Variants in ACVRL1 observed in about 807,000 individuals in gnomAD.
ACVRL1 encodes activin A receptor like type 1.
ACVRL1 carries 20 observed loss-of-function variants against 51.9 expected under a neutral mutation model. The ratio of observed to expected loss-of-function variants is 0.39; its 90% CI spans 0.27 to 0.56. The LOEUF (loss-of-function observed/expected upper bound fraction) is 0.56, where lower values mean the gene tolerates loss of function less well. Among genes scored for constraint, ACVRL1 ranks in the 20% least tolerant of loss-of-function variants. The pLI is 0.67. For synonymous variants in ACVRL1, 288 were observed against 280.9 expected (o/e 1.03, Z -0.25); for missense variants, 451 against 670.3 (o/e 0.67, Z 3.61).
chr12:51,907,326 G>T (rs558085960), upstream of ACVRL1: 5 of 152,068 alleles, frequency 3.3e-5, no homozygotes, highest in Non-Finnish European at 4.4e-5. This position sits in a 1 kb window ranked among gnomAD's most constrained non-coding sequence, Gnocchi z 4.5. Flanking sequence ...AGGGGAGGCC[G>T]CCCTGAGGGG....
chr12:51,922,819 T>C lies in ACVRL1; in HGVS notation c.*1926T>C, dbSNP rs2293094. ...GAGTAGCCTCCCCAGGCCGGCATCT[T>C]ATGTGTGTCTTCCACCATCCTCATG... On this transcript the variant is annotated 3_prime_UTR_variant, in exon 10 of 10. Transcript: ENST00000388922. 0.14 allele frequency: 21,461 copies of C among 152,522 alleles called. 1,752 individuals carry two copies. The highest frequency in any genetic ancestry group is 0.39 in the East Asian group (1,996 of 5,152). 9.4% of individuals were successfully genotyped at this position (152,522 alleles called of 1,614,324 possible). A position where few individuals can be genotyped will look rare whatever the true frequency, so the allele number is the denominator to read the frequency against.
intron 8 of ACVRL1, among the ~76,000 whole-genome samples, chr12:51,918,592 G>A (rs963929736): frequency 1.3e-5 from 2 of 152,164 alleles, no homozygotes; most frequent in African/African-American, 4.8e-5. Context: ...CTGGAACAAG[G>A]CTGGCCTAGG....
Position 51,920,930 on chromosome 12 carries a change from CT to C in ACVRL1, c.*38del. 1 of 336,502 alleles carries C rather than the reference CT, an allele frequency of 3.0e-6. No individual in the cohort carries two copies. Among genetic ancestry groups the C allele is most frequent in the Non-Finnish European group, 5.8e-6 (1 of 173,534 alleles). The allele number at this position is 336,502 out of a possible 1,614,324, so 20.8% of individuals were successfully genotyped here. On this transcript the variant is annotated 3_prime_UTR_variant, in exon 10 of 10. Transcript: ENST00000388922. Reference sequence around the variant, plus strand: ...CTGATTCCTTTCTGCCTGCAGGGGGCTGGGGGGGTGGGGGGCAGTGGATGGT... The same window carrying C: ...CTGATTCCTTTCTGCCTGCAGGGGGCGGGGGGGTGGGGGGCAGTGGATGGT...
At chr12:51,909,523 G>C (rs1940652115) in intron 1 of ACVRL1, among the ~76,000 whole-genome samples, 1 of 151,762 alleles carries the variant, frequency 6.6e-6, no homozygotes, top group Admixed American at 6.6e-5. Context: ...CAAAAACGCT[G>C]TCTTCATTTA....
At chr12:51,915,772 G>T in intron 7 of ACVRL1, 1 of 643,534 alleles carries the variant, frequency 1.6e-6, no homozygotes, top group Non-Finnish European at 2.6e-6. Context: ...CAGCCTCCAG[G>T]TCTGCTCTGT....
chr12:51,908,160 C>T (rs1198061218), intron 1 of ACVRL1, among the ~76,000 whole-genome samples: 1 of 152,218 alleles, frequency 6.6e-6, no homozygotes, highest in African/African-American at 2.4e-5. Flanking sequence ...GACACTATCA[C>T]TCCAACCTAG....
chr12:51,920,753 C>A lies in ACVRL1; in HGVS notation c.1378-6C>A. On this transcript the variant is annotated splice_polypyrimidine_tract_variant and splice_region_variant and intron_variant, in intron 9 of 9. Coordinates refer to ENST00000388922, the MANE Select transcript of ACVRL1 (RefSeq NM_000020.3). The stretch of plus-strand genomic sequence containing the variant: ...CTCTCCTCTGCACCTCTCTCCCAAC[C>A]CCCAGGTCCTCTCAGGCCTAGCTCA... 6.2e-7 allele frequency: 1 copy of A among 1,613,642 alleles called. No individual in the cohort carries two copies. The highest frequency in any genetic ancestry group is 8.5e-7 in the Non-Finnish European group (1 of 1,180,030).
rs1204891814 is a variant in ACVRL1, at chr12:51,913,910, G to A, written c.526-64G>A. The A allele has an allele frequency of 6.3e-6, 10 of 1,588,052 alleles. No homozygotes were observed. In the Admixed American group the frequency reaches 7.0e-5, roughly 11 times the overall value. On this transcript the variant is annotated intron_variant, in intron 4 of 9. Coordinates refer to ENST00000388922, the MANE Select transcript of ACVRL1 (RefSeq NM_000020.3). The stretch of plus-strand genomic sequence containing the variant: ...GCAGTGACCCAGCAGGTCCCAGGTC[G>A]AGGATAGAGAAGGGGGCTGTGGCTG...
chr12:51,913,355 G>A lies in ACVRL1; in HGVS notation c.313+5G>A, dbSNP rs746661046. On this transcript the variant is annotated splice_donor_5th_base_variant and intron_variant, in intron 3 of 9. Coordinates refer to ENST00000388922, the MANE Select transcript of ACVRL1 (RefSeq NM_000020.3). ...ACGTGTCCCTGGTGCTGGAGGGTAC[G>A]TCCAGCTGCCCTAGCACTCCCTCCC... is the stretch of plus-strand genomic sequence containing the variant. 1.6e-5 allele frequency: 26 copies of A among 1,611,468 alleles called. No individual in the cohort carries two copies. The highest frequency in any genetic ancestry group is 4.0e-5 in the African/African-American group (3 of 74,842).
chr12:51,916,262 A>G, intron 8 of ACVRL1, 29 bp downstream of exon 8: 1 of 1,609,280 alleles, frequency 6.2e-7, no homozygotes, highest in Non-Finnish European at 8.5e-7. Flanking sequence ...CAGGGTAGGG[A>G]AAGGGGAATC....
chr12:51,909,327 C>T (rs1375837246), intron 1 of ACVRL1, among the ~76,000 whole-genome samples: 1 of 152,038 alleles, frequency 6.6e-6, no homozygotes, highest in Non-Finnish European at 1.5e-5. Context: ...TAGTGAGACC[C>T]TATCTCTACT....
chr12:51,915,077 A>T, intron 6 of ACVRL1, 148 bp from the exon 7 acceptor site: 1 of 894,542 alleles, frequency 1.1e-6, no homozygotes, highest in Non-Finnish European at 1.8e-6. Flanking sequence ...TCTGTCTCTG[A>T]CCTAAGCCAC....
At chr12:51,912,587 T>C (rs1940715514) in intron 2 of ACVRL1, 52 bp downstream of exon 2, 6 of 1,475,552 alleles carry the variant, frequency 4.1e-6, no homozygotes, top group Non-Finnish European at 3.8e-6. Context: ...CAGAAAGGGC[T>C]ATCTGGGCCC....
At position 51,915,726 on chromosome 12, in the gene ACVRL1, A is replaced by G. The variant is rs1940820910; in HGVS notation, c.1048+226A>G. 3 of 712,328 alleles carry G rather than the reference A, an allele frequency of 4.2e-6. No homozygotes were observed. In the East Asian group the frequency reaches 8.2e-5, roughly 20 times the overall value. 44.1% of individuals were successfully genotyped at this position (712,328 alleles called of 1,614,324 possible). ...CTCCAGGAGTTGGGAGAAAGGAGGC[A>G]GGAGCCAGGAACCTGGGTTCTCATC... On this transcript the variant is annotated intron_variant, in intron 7 of 9. Coordinates refer to ENST00000388922, the MANE Select transcript of ACVRL1 (RefSeq NM_000020.3).
Position 51,913,284 on chromosome 12 carries a change from G to A in ACVRL1, c.247G>A (p.Glu83Lys), listed in dbSNP as rs200960874. Residue 83 changes from glutamate (E) to lysine (K), a missense_variant, in exon 3 of 10, where the codon GAG (glutamate) becomes AAG (lysine). Glu to Lys is a moderately conservative substitution (Grantham distance 56). Around this residue, in one of 2 missense-constraint regions of ACVRL1, gnomAD observed 192 missense variants for 216.9 expected, o/e 0.89. Coordinates refer to ENST00000388922, the MANE Select transcript of ACVRL1 (RefSeq NM_000020.3). ...GGAGCTCTGCAGGGGGCGCCCCACC[G>A]AGTTCGTCAACCACTACTGCTGCGA... ...HRELCRGRPT[E>K]FVNHYCCDSH... 26 of 1,607,026 alleles carry A rather than the reference G, an allele frequency of 1.6e-5. No homozygotes were observed. The highest frequency in any genetic ancestry group is 2.2e-5 in the East Asian group (1 of 44,658).
In ACVRL1 at chr12:51,912,549, G is replaced by C; in HGVS notation, c.61+14G>C. On this transcript the variant is annotated intron_variant, in intron 2 of 9. Transcript: ENST00000388922. ...TGGTGACCCAGGGTGAGTACTGGGGGAGCAGTTAGGAAACAGGAACCTGGA... is the reference window on the plus strand; with the variant it reads ...TGGTGACCCAGGGTGAGTACTGGGGCAGCAGTTAGGAAACAGGAACCTGGA... 6.3e-7 allele frequency: 1 copy of C among 1,595,934 alleles called. No homozygotes were observed. Among genetic ancestry groups the C allele is most frequent in the Non-Finnish European group, 8.6e-7 (1 of 1,163,428 alleles).
At position 51,912,437 on chromosome 12, in the gene ACVRL1, C is replaced by T. The variant is rs2277382; in HGVS notation, c.-5-33C>T. ...GGCCAGCGGCTGTCACACTTCATGG[C>T]TCTTACTCCACCTCTCTTGCTCCTC... is the stretch of plus-strand genomic sequence containing the variant. On this transcript the variant is annotated intron_variant, in intron 1 of 9. Coordinates refer to ENST00000388922, the MANE Select transcript of ACVRL1 (RefSeq NM_000020.3). 0.081 allele frequency: 130,563 copies of T among 1,611,008 alleles called. 5,581 individuals carry two copies. The highest frequency in any genetic ancestry group is 0.12 in the East Asian group (5,164 of 44,858).
Position 51,909,708 on chromosome 12 carries a change from G to A in ACVRL1, c.-6+2013G>A, listed in dbSNP as rs1467267. Among the ~76,000 whole-genome samples the A allele has an allele frequency of 8.5e-3, 1,288 of 151,982 alleles. 18 individuals carry two copies. Among genetic ancestry groups the A allele is most frequent in the African/African-American group, 0.029 (1,206 of 41,456 alleles). On this transcript the variant is annotated intron_variant, in intron 1 of 9. Coordinates refer to ENST00000388922, the MANE Select transcript of ACVRL1 (RefSeq NM_000020.3). Reference sequence around the variant, plus strand: ...CAGCAATTTAAGTTTATTAAGACACGCTCAGTGACTATGGACAAGAAACTG... The same window carrying A: ...CAGCAATTTAAGTTTATTAAGACACACTCAGTGACTATGGACAAGAAACTG...
intron 1 of ACVRL1, among the ~76,000 whole-genome samples, chr12:51,908,274 G>C (rs557485758): frequency 4.9e-4 from 75 of 152,318 alleles, no homozygotes; most frequent in African/African-American, 1.7e-3. Flanking sequence ...TGGGACCCCA[G>C]ATTTTTCCAT....
Sources: allele counts gnomAD v4.1 joint callset (sites outside exome capture counted in the v4.1 genomes callset), GRCh38; gene constraint gnomAD v4.1.1; regional missense constraint gnomAD v4.1.1; non-coding constraint Gnocchi (gnomAD v3.1); transcripts MANE v1.5; gene names NCBI Gene and HGNC (gene_info 2026-07-23, HGNC 2026-07-21).